The following MAP3K5 variants were observed in gnomAD, a reference collection of about 807,000 sequenced individuals.
MAP3K5 encodes the protein mitogen-activated protein kinase kinase kinase 5.
In MAP3K5, 56 loss-of-function variants were observed where a neutral mutation model predicts 158.7. The ratio of observed to expected loss-of-function variants is 0.35; its 90% CI spans 0.28 to 0.44. MAP3K5 has a LOEUF of 0.44. MAP3K5 is among the 20% of genes least tolerant of loss of function. MAP3K5 has a pLI of 1.00. For missense variants in MAP3K5, 1,294 were observed against 1,674.8 expected (o/e 0.77, Z 3.97); for synonymous variants, 579 against 601.7 (o/e 0.96, Z 0.55).
intron 1 of MAP3K5, among the ~76,000 whole-genome samples, chr6:136,781,689 AAGG>A (rs1210105994): frequency 1.3e-5 from 2 of 152,196 alleles, no homozygotes; most frequent in African/African-American, 2.4e-5. Flanking sequence ...AAGATAATCA[AAGG>A]AGGAGGAGTA....
chr6:136,562,429 C>A, intron 27 of MAP3K5, 74 bp downstream of exon 27: 1 of 662,758 alleles, frequency 1.5e-6, no homozygotes, highest in South Asian at 2.8e-5. Context: ...ACAAATAAAA[C>A]TTCCTGTTGG....
At chr6:136,614,624 G>A (rs781098269) in intron 15 of MAP3K5, among the ~76,000 whole-genome samples, 2 of 152,206 alleles carry the variant, frequency 1.3e-5, no homozygotes, top group Non-Finnish European at 2.9e-5. Flanking sequence ...ACAGAGCTAA[G>A]ATTCAAACCC....
intron 26 of MAP3K5, among the ~76,000 whole-genome samples, chr6:136,562,832 G>C (rs1830575565): frequency 7.4e-6 from 1 of 134,514 alleles, no homozygotes; most frequent in Non-Finnish European, 1.6e-5. Context: ...CACCATGCCT[G>C]GCTAATTTTT....
chr6:136,703,016 T>G (rs1780918901), intron 3 of MAP3K5, among the ~76,000 whole-genome samples: 1 of 152,242 alleles, frequency 6.6e-6, no homozygotes, highest in South Asian at 2.1e-4. Flanking sequence ...ATTTTCACCG[T>G]TTTTTCTTTC....
intron 1 of MAP3K5, among the ~76,000 whole-genome samples, chr6:136,769,942 GAGGA>G (rs1205474712): frequency 1.3e-5 from 2 of 151,046 alleles, no homozygotes; most frequent in African/African-American, 4.9e-5. Context: ...GAGACAGTGG[GAGGA>G]AGGAAGGAAA....
chr6:136,788,630 C>A (rs1397625143), intron 1 of MAP3K5, among the ~76,000 whole-genome samples: 3 of 152,062 alleles, frequency 2.0e-5, no homozygotes, highest in Non-Finnish European at 4.4e-5. Flanking sequence ...ATACAAGCAG[C>A]CAACAAACTT....
chr6:136,597,852 C>A (rs117049287), intron 21 of MAP3K5, among the ~76,000 whole-genome samples: 3 of 152,200 alleles, frequency 2.0e-5, no homozygotes, highest in Admixed American at 2.0e-4. Flanking sequence ...GTCACTACTA[C>A]CCACATATGG....
At chr6:136,773,855 C>T (rs1339091300) in intron 1 of MAP3K5, among the ~76,000 whole-genome samples, 1 of 152,002 alleles carries the variant, frequency 6.6e-6, no homozygotes, top group African/African-American at 2.4e-5. Context: ...TCCACGTTGG[C>T]CAGGCTGGTC....
intron 1 of MAP3K5, among the ~76,000 whole-genome samples, chr6:136,769,781 AAGGAAGGAAGGAAGGG>A (rs1784110532): frequency 4.2e-5 from 1 of 23,738 alleles, no homozygotes; most frequent in Non-Finnish European, 7.6e-5. Context: ...GGAAGGAAGG[AAGGAAGGAAGGAAGGG>A]AGGGAGGGAG....
chr6:136,557,882 GA>G, intron 29 of MAP3K5, 64 bp from the exon 30 acceptor site: 3 of 1,061,720 alleles, frequency 2.8e-6, no homozygotes, highest in Non-Finnish European at 4.4e-6. Context: ...CCTTGAAATA[GA>G]AAAGTGACTT....
chr6:136,787,488 G>A (rs969963881), intron 1 of MAP3K5, among the ~76,000 whole-genome samples: 11 of 152,190 alleles, frequency 7.2e-5, no homozygotes, highest in African/African-American at 2.7e-4. Flanking sequence ...GGGAATCTCA[G>A]ATACCAATTA....
chr6:136,718,693 C>T (rs1407233952), intron 2 of MAP3K5, among the ~76,000 whole-genome samples: 1 of 152,176 alleles, frequency 6.6e-6, no homozygotes, highest in Non-Finnish European at 1.5e-5. Flanking sequence ...GTTTATTTGT[C>T]CCGGACATAT....
intron 11 of MAP3K5, among the ~76,000 whole-genome samples, chr6:136,650,269 AAATG>A (rs1327301443): frequency 6.6e-6 from 1 of 152,248 alleles, no homozygotes; most frequent in African/African-American, 2.4e-5. Flanking sequence ...GAAAGAAAAT[AAATG>A]AACTATTTTT....
At chr6:136,560,445 T>C (rs186153911) in intron 28 of MAP3K5, among the ~76,000 whole-genome samples, 69 of 152,226 alleles carry the variant, frequency 4.5e-4, no homozygotes, top group Non-Finnish European at 3.5e-4. Context: ...CACCACAGCA[T>C]TGCAGCCTGG....
chr6:136,760,239 A>G (rs536741074), intron 1 of MAP3K5, among the ~76,000 whole-genome samples: 10 of 152,306 alleles, frequency 6.6e-5, no homozygotes, highest in Admixed American at 2.6e-4. Context: ...ACTAGTCAGC[A>G]GTCAGTTATA....
intron 26 of MAP3K5, among the ~76,000 whole-genome samples, chr6:136,566,140 C>G (rs1038429140): frequency 6.6e-6 from 1 of 151,980 alleles, no homozygotes. Flanking sequence ...CAGACAGTGG[C>G]GCCAGGGTGG....
rs79102494 is a variant in MAP3K5 at position 136,763,938 on chromosome 6, G to A, written c.448+27772C>T. Among the ~76,000 whole-genome samples the A allele has an allele frequency of 3.4e-3, 513 of 152,232 alleles. 1 individual carries two copies. The highest frequency in any genetic ancestry group is 0.011 in the African/African-American group (469 of 41,536). On this transcript the variant is annotated intron_variant, in intron 1 of 29. Coordinates refer to ENST00000359015, the MANE Select transcript of MAP3K5 (RefSeq NM_005923.4). Reference sequence around the variant, plus strand: ...CTGCACCACCTTGAGACTCTGCAGAGAGTACCCACCAACAAGGAAGCTCTC... The same window carrying A: ...CTGCACCACCTTGAGACTCTGCAGAAAGTACCCACCAACAAGGAAGCTCTC...
intron 2 of MAP3K5, among the ~76,000 whole-genome samples, chr6:136,714,716 T>C (rs1387321382): frequency 6.6e-6 from 1 of 152,202 alleles, no homozygotes; most frequent in Non-Finnish European, 1.5e-5. Flanking sequence ...TTTGGGTATA[T>C]ATCCAGAAGT....
At chr6:136,611,255 A>G (rs2129090578) in intron 18 of MAP3K5, 27 bp downstream of exon 18, 1 of 1,377,632 alleles carries the variant, frequency 7.3e-7, no homozygotes. Flanking sequence ...ATTACATAAG[A>G]TCTGTATCAT....
Sources: allele counts gnomAD v4.1 joint callset (sites outside exome capture counted in the v4.1 genomes callset), GRCh38; gene constraint gnomAD v4.1.1; transcripts MANE v1.5; gene names NCBI Gene and HGNC (gene_info 2026-07-23, HGNC 2026-07-21).